Variants in ANKFN1 observed in about 807,000 individuals in gnomAD.
ANKFN1 encodes the protein ankyrin repeat and fibronectin type III domain containing 1.
In ANKFN1, 74 loss-of-function variants were observed where a neutral mutation model predicts 108.7. The ratio of observed to expected loss-of-function variants is 0.68; its 90% CI spans 0.56 to 0.83. The LOEUF is 0.83. Among genes scored for constraint, ANKFN1 ranks in the 40% least tolerant of loss-of-function variants. The pLI, the probability that ANKFN1 is intolerant of heterozygous loss-of-function variation, is 0.00. For synonymous variants in ANKFN1, 547 were observed against 516.2 expected (o/e 1.06, Z -0.81); for missense variants, 1,505 against 1,382.3 (o/e 1.09, Z -1.41).
intron 4 of ANKFN1, among the ~76,000 whole-genome samples, chr17:56,074,411 G>A (rs1905157499): frequency 6.6e-6 from 1 of 152,188 alleles, no homozygotes; most frequent in South Asian, 2.1e-4. Context: ...AGCCCTTGAT[G>A]GCTGAAGCAG....
At chr17:56,083,329 C>T (rs1448779323) in intron 4 of ANKFN1, among the ~76,000 whole-genome samples, 1 of 151,326 alleles carries the variant, frequency 6.6e-6, no homozygotes, top group Non-Finnish European at 1.5e-5. Context: ...GTGCACCTAT[C>T]ATGTGTTAGA....
rs532158048 is a variant in ANKFN1, at chr17:56,154,807, A to G, written c.-71+1277A>G. 2.4e-4 allele frequency among the ~76,000 whole-genome samples: 37 copies of G among 152,356 alleles called. No homozygotes were observed. The South Asian group carries it at 7.2e-3, about 30-fold the overall frequency. On this transcript the variant is annotated intron_variant, in intron 1 of 20. Transcript: ENST00000682825. ...ATTCATGGTTGTAGAATTGAATTGA[A>G]TGAACAGTGTGGGGTATGATTACCA... is the stretch of plus-strand genomic sequence containing the variant.
intron 2 of ANKFN1, chr17:56,224,669 A>G (rs1282871208): frequency 6.6e-6 from 1 of 152,206 alleles, no homozygotes; most frequent in Admixed American, 6.5e-5. Flanking sequence ...GGGATCAACC[A>G]CAGGAACCAG....
At chr17:56,315,921 G>A (rs926948802) in intron 3 of ANKFN1, among the ~76,000 whole-genome samples, 5 of 152,180 alleles carry the variant, frequency 3.3e-5, no homozygotes, top group African/African-American at 9.6e-5. Context: ...ATCAGTCAAG[G>A]CTTCTTAAAA....
chr17:56,131,495 C>T (rs1171207639), intron 4 of ANKFN1, among the ~76,000 whole-genome samples: 1 of 152,198 alleles, frequency 6.6e-6, no homozygotes, highest in Admixed American at 6.5e-5. Flanking sequence ...AAATCTCTGA[C>T]TCTAATTTGT....
intron 8 of ANKFN1, among the ~76,000 whole-genome samples, chr17:56,378,104 C>G (rs2046991728): frequency 6.6e-6 from 1 of 152,202 alleles, no homozygotes; most frequent in Admixed American, 6.5e-5. Flanking sequence ...AAGCATCTCT[C>G]CTTGCAGAAA....
intron 10 of ANKFN1, among the ~76,000 whole-genome samples, chr17:56,445,307 G>T (rs2049247741): frequency 6.6e-6 from 1 of 152,186 alleles, no homozygotes; most frequent in African/African-American, 2.4e-5. Context: ...TGCATTTGCT[G>T]ATAAAGATCA....
intron 4 of ANKFN1, among the ~76,000 whole-genome samples, chr17:56,075,774 T>G (rs1905174192): frequency 6.6e-6 from 1 of 152,136 alleles, no homozygotes; most frequent in Non-Finnish European, 1.5e-5. Context: ...TGGTACATTG[T>G]GCATTAGTAA....
chr17:56,444,742 C>T (rs2145180314), intron 10 of ANKFN1, among the ~76,000 whole-genome samples: 1 of 152,294 alleles, frequency 6.6e-6, no homozygotes, highest in South Asian at 2.1e-4. Flanking sequence ...CATAGAGGCA[C>T]ATATATACAG....
chr17:56,075,633 T>A (rs969498394), intron 4 of ANKFN1, among the ~76,000 whole-genome samples: 2 of 152,120 alleles, frequency 1.3e-5, no homozygotes, highest in African/African-American at 4.8e-5. Flanking sequence ...AACATTCATT[T>A]ATATGTATAG....
At chr17:56,283,020 A>G (rs1412653392) in intron 3 of ANKFN1, among the ~76,000 whole-genome samples, 2 of 152,112 alleles carry the variant, frequency 1.3e-5, no homozygotes, top group African/African-American at 4.8e-5. Context: ...GGTTTGCTAC[A>G]TAGGTAAAGT....
intron 11 of ANKFN1, among the ~76,000 whole-genome samples, chr17:56,455,638 A>T (rs576840018): frequency 6.6e-6 from 1 of 152,190 alleles, no homozygotes; most frequent in Non-Finnish European, 1.5e-5. Flanking sequence ...ATAGAATATG[A>T]GAGTTAAAAT....
chr17:56,467,032 C>T (rs972928588), intron 15 of ANKFN1, among the ~76,000 whole-genome samples: 5 of 151,998 alleles, frequency 3.3e-5, no homozygotes, highest in African/African-American at 1.2e-4. Flanking sequence ...CGGGGAGAAT[C>T]GCTGGAACCT....
intron 3 of ANKFN1, among the ~76,000 whole-genome samples, chr17:56,239,663 G>A (rs998810102): frequency 3.9e-5 from 6 of 151,984 alleles, no homozygotes; most frequent in African/African-American, 1.5e-4. Flanking sequence ...TCCCAAAATG[G>A]CAGCTACAGG....
chr17:56,506,973 A>G (rs1445141706), intron 20 of ANKFN1, among the ~76,000 whole-genome samples: 1 of 152,232 alleles, frequency 6.6e-6, no homozygotes, highest in Non-Finnish European at 1.5e-5. Context: ...AGTTCTTAGC[A>G]TCATGGCTGG....
chr17:56,414,204 A>G (rs1445903398), intron 8 of ANKFN1, among the ~76,000 whole-genome samples: 1 of 152,136 alleles, frequency 6.6e-6, no homozygotes, highest in Admixed American at 6.5e-5. Flanking sequence ...CTGAACTCAT[A>G]GGGTAAGTTA....
intron 4 of ANKFN1, among the ~76,000 whole-genome samples, chr17:56,326,769 T>G (rs1386462608): frequency 6.6e-6 from 1 of 152,226 alleles, no homozygotes; most frequent in Non-Finnish European, 1.5e-5. Flanking sequence ...GGTTCCATCA[T>G]GCTGATAATC....
At position 56,325,230 on chromosome 17, in the gene ANKFN1, TAGAA is replaced by T. The variant is rs542694546; in HGVS notation, c.54-987_54-984del. ...CAGAGAAAGAATCAGAACAGAGCTT[TAGAA>T]AGATTCTTAATGCTGTTGCTAGTGT... On this transcript the variant is annotated intron_variant, in intron 3 of 20. Coordinates refer to ENST00000682825, the MANE Select transcript of ANKFN1 (RefSeq NM_001370326.1). Among the ~76,000 whole-genome samples, 19 of 151,866 alleles carry T rather than the reference TAGAA, an allele frequency of 1.3e-4. No homozygotes were observed. In the South Asian group the frequency reaches 3.7e-3, roughly 30 times the overall value.
chr17:56,305,775 T>C (rs961449502), intron 3 of ANKFN1, among the ~76,000 whole-genome samples: 1 of 152,216 alleles, frequency 6.6e-6, no homozygotes, highest in African/African-American at 2.4e-5. Flanking sequence ...CATTTTACAT[T>C]TTATATTTAA....
Sources: gnomAD v4.1 joint callset for allele counts (sites outside exome capture counted in the v4.1 genomes callset) on GRCh38, gnomAD v4.1.1 for gene constraint, MANE v1.5 for transcripts, NCBI Gene and HGNC (gene_info 2026-07-23, HGNC 2026-07-21) for gene names.